Variants in PTPRT observed in about 807,000 individuals in gnomAD.
PTPRT encodes the protein protein tyrosine phosphatase receptor type T.
A neutral mutation model predicts 176.8 loss-of-function variants in PTPRT; 56 were observed. The observed-to-expected ratio is 0.32, with a 90% confidence interval of 0.26 to 0.40. The LOEUF (loss-of-function observed/expected upper bound fraction) is 0.40. Among genes scored for constraint, PTPRT ranks in the 10% least tolerant of loss-of-function variants. PTPRT has a pLI of 1.00. For missense variants in PTPRT, 1,540 were observed against 1,908.2 expected (o/e 0.81, Z 3.60); for synonymous variants, 783 against 739.0 (o/e 1.06, Z -0.96).
intron 6 of PTPRT, among the ~76,000 whole-genome samples, chr20:42,708,323 C>G (rs2076092042): frequency 6.6e-6 from 1 of 152,114 alleles, no homozygotes; most frequent in Non-Finnish European, 1.5e-5. Context: ...ATTGAACAGA[C>G]AGGATAGACT....
chr20:42,689,171 C>A (rs553493506), intron 6 of PTPRT, among the ~76,000 whole-genome samples: 2 of 152,316 alleles, frequency 1.3e-5, no homozygotes, highest in South Asian at 2.1e-4. Flanking sequence ...CCCACCATAC[C>A]TCCAATCCTG....
At chr20:42,494,024 A>G (rs1302349106) in intron 7 of PTPRT, among the ~76,000 whole-genome samples, 1 of 152,168 alleles carries the variant, frequency 6.6e-6, no homozygotes, top group East Asian at 1.9e-4. Context: ...TGATAAGCCC[A>G]TACAACTTAT....
At chr20:42,773,974 C>T (rs1268455097) in intron 4 of PTPRT, among the ~76,000 whole-genome samples, 1 of 152,202 alleles carries the variant, frequency 6.6e-6, no homozygotes, top group Non-Finnish European at 1.5e-5. Flanking sequence ...TGACTCCTCT[C>T]CACTTCTTCC....
chr20:42,163,370 G>C (rs1028853153), intron 16 of PTPRT, among the ~76,000 whole-genome samples: 1 of 152,164 alleles, frequency 6.6e-6, no homozygotes. Context: ...GAAGGGCCTA[G>C]GCAAGTCGTT....
chr20:42,558,343 A>G (rs927697852), intron 7 of PTPRT, among the ~76,000 whole-genome samples: 3 of 152,162 alleles, frequency 2.0e-5, no homozygotes, highest in African/African-American at 4.8e-5. Context: ...TGGTACATGT[A>G]CCATGTTTTC....
In PTPRT at chr20:42,383,991, T is replaced by A. The variant is rs114094898; in HGVS notation, c.1561-31706A>T. On this transcript the variant is annotated intron_variant, in intron 9 of 30. Transcript: ENST00000373187. ...TTTCTAAGTAGGATATGTGGGTAGA[T>A]GGGGTAGGGACGTAGAGACGACAAT... Among the ~76,000 whole-genome samples the A allele has an allele frequency of 3.5e-3, 535 of 152,296 alleles. 7 individuals are homozygous for A. The highest frequency in any genetic ancestry group is 0.013 in the African/African-American group (526 of 41,564).
At chr20:42,486,729 C>T (rs748754891) in intron 7 of PTPRT, among the ~76,000 whole-genome samples, 14 of 152,002 alleles carry the variant, frequency 9.2e-5, no homozygotes, top group Non-Finnish European at 1.9e-4. Flanking sequence ...TGAGTTGTGC[C>T]CAGGTCTGCC....
At position 43,147,731 on chromosome 20, in the gene PTPRT, A is replaced by C. The variant is rs115261865; in HGVS notation, c.88+41915T>G. 9.1e-3 allele frequency among the ~76,000 whole-genome samples: 1,393 copies of C among 152,302 alleles called. 25 individuals carry two copies. Among genetic ancestry groups the C allele is most frequent in the African/African-American group, 0.032 (1,348 of 41,562 alleles). On this transcript the variant is annotated intron_variant, in intron 1 of 30. Coordinates refer to ENST00000373187, the MANE Select transcript of PTPRT (RefSeq NM_007050.6). ...CTATTCCCAAGAGCATCCCTTCTTC[A>C]TCATGGGCCAACAGAGCCCAGAGCT...
intron 1 of PTPRT, among the ~76,000 whole-genome samples, chr20:42,973,292 A>G (rs982953016): frequency 6.6e-6 from 1 of 151,880 alleles, no homozygotes; most frequent in Non-Finnish European, 1.5e-5. Flanking sequence ...TTTGGGGAGG[A>G]AAAAAAACCT....
intron 2 of PTPRT, among the ~76,000 whole-genome samples, chr20:42,796,943 T>C (rs2077463273): frequency 6.6e-6 from 1 of 152,224 alleles, no homozygotes; most frequent in Admixed American, 6.5e-5. Context: ...ACACATCTCA[T>C]ATTGTGGCCT....
intron 1 of PTPRT, among the ~76,000 whole-genome samples, chr20:43,073,657 C>T (rs2011213399): frequency 6.6e-6 from 1 of 151,594 alleles, no homozygotes; most frequent in Non-Finnish European, 1.5e-5. Flanking sequence ...CTTATAGATA[C>T]ATATTACATA....
chr20:42,783,450 T>C (rs2077243625), intron 3 of PTPRT, among the ~76,000 whole-genome samples: 1 of 150,726 alleles, frequency 6.6e-6, no homozygotes, highest in African/African-American at 2.4e-5. Flanking sequence ...AAAGAGGAAG[T>C]AAAAATGGTA....
chr20:42,182,450 T>G (rs1990562495), intron 16 of PTPRT, among the ~76,000 whole-genome samples: 2 of 152,154 alleles, frequency 1.3e-5, no homozygotes, highest in Non-Finnish European at 2.9e-5. Context: ...TGCAAGTGTG[T>G]GTATTTGCTA....
intron 7 of PTPRT, among the ~76,000 whole-genome samples, chr20:42,667,220 C>T (rs984776224): frequency 6.6e-6 from 1 of 152,272 alleles, no homozygotes; most frequent in Non-Finnish European, 1.5e-5. Flanking sequence ...GGAGCTAGAG[C>T]TTTGCAGCTG....
intron 9 of PTPRT, among the ~76,000 whole-genome samples, chr20:42,415,468 T>C (rs1031219180): frequency 1.3e-5 from 2 of 152,162 alleles, no homozygotes; most frequent in African/African-American, 4.8e-5. Context: ...TGCCTTGACC[T>C]CCCAAAGTGC....
chr20:42,685,692 A>T (rs2075679873), intron 6 of PTPRT: 2 of 152,196 alleles, frequency 1.3e-5, no homozygotes, highest in Admixed American at 1.3e-4. Context: ...ATTTAAATAC[A>T]TGAAAACGCT....
chr20:42,594,092 G>A (rs1371570565), intron 7 of PTPRT, among the ~76,000 whole-genome samples: 1 of 152,158 alleles, frequency 6.6e-6, no homozygotes, highest in Non-Finnish European at 1.5e-5. Flanking sequence ...AATAGAAACA[G>A]TCAAGACAGC....
chr20:43,131,956 A>T (rs2013658179), intron 1 of PTPRT, among the ~76,000 whole-genome samples: 1 of 151,850 alleles, frequency 6.6e-6, no homozygotes, highest in Admixed American at 6.6e-5. Context: ...AGCTAATAAG[A>T]AAAAAAACAC....
chr20:42,584,818 A>T (rs1295732885), intron 7 of PTPRT, among the ~76,000 whole-genome samples: 14 of 152,218 alleles, frequency 9.2e-5, no homozygotes, highest in Admixed American at 9.2e-4. Flanking sequence ...TGAATGAATG[A>T]ATTAATTAGC....
Sources: gnomAD v4.1 joint callset for allele counts (sites outside exome capture counted in the v4.1 genomes callset) on GRCh38, gnomAD v4.1.1 for gene constraint, MANE v1.5 for transcripts, NCBI Gene and HGNC (gene_info 2026-07-23, HGNC 2026-07-21) for gene names.